The following KSR1 variants were observed in gnomAD, a reference collection of about 807,000 sequenced individuals.
KSR1 encodes kinase suppressor of ras.
KSR1 carries 35 observed loss-of-function variants against 92.9 expected under a neutral mutation model. The observed-to-expected ratio is 0.38, with a 90% CI of 0.29 to 0.50. The LOEUF is 0.50. Ranked by LOEUF, KSR1 falls within the 20% of genes least tolerant of loss-of-function variation. The pLI is 0.94. For synonymous variants in KSR1, 467 were observed against 472.6 expected, an observed-to-expected ratio of 0.99 and a Z score of 0.15; for missense variants, 972 against 1,158.5, an observed-to-expected ratio of 0.84 and a Z score of 2.34.
intron 14 of KSR1, among the ~76,000 whole-genome samples, chr17:27,606,563 G>A (rs911851370): frequency 1.3e-5 from 2 of 152,198 alleles, no homozygotes; most frequent in Non-Finnish European, 2.9e-5. Context: ...CACGTAGGCT[G>A]AACCCAGTGG....
In KSR1 at chr17:27,597,427, AACTTCCCAGGTACC is replaced by A; in HGVS notation, c.1462_1468+7del. ...ACCTGGCCAGCGGGACAGCAGGTTC[AACTTCCCAGGTACC>A]ACATCTCCAGGCTTTTCTGGGTTCT... On this transcript the variant is annotated splice_donor_variant and splice_donor_5th_base_variant and coding_sequence_variant and intron_variant, in exon 10 of 21. Transcript: ENST00000644974. LOFTEE classifies it high-confidence loss of function. 2 of 1,604,952 alleles carry A rather than the reference AACTTCCCAGGTACC, an allele frequency of 1.2e-6. No individual in the cohort carries two copies. Among genetic ancestry groups the A allele is most frequent in the Non-Finnish European group, 1.7e-6 (2 of 1,173,996 alleles).
chr17:27,588,459 G>T lies in KSR1; in HGVS notation c.986-16G>T, dbSNP rs367583552. ...CGGAGTTCCTCAGCCTGCCCATCCG[G>T]CCTCTTTCCCTGCAGATCTCTCGCA... On this transcript the variant is annotated splice_polypyrimidine_tract_variant and intron_variant, in intron 5 of 20. Transcript: ENST00000644974. The T allele has an allele frequency of 1.9e-6, 3 of 1,566,012 alleles. No individual in the cohort carries two copies. Among genetic ancestry groups the T allele is most frequent in the African/African-American group, 2.7e-5 (2 of 73,886 alleles).
chr17:27,531,043 G>A (rs1244422467), intron 1 of KSR1, among the ~76,000 whole-genome samples: 1 of 152,194 alleles, frequency 6.6e-6, no homozygotes, highest in African/African-American at 2.4e-5. Context: ...AACAATGTCG[G>A]GATGGACAAG....
intron 2 of KSR1, among the ~76,000 whole-genome samples, chr17:27,565,365 G>A (rs2072021277): frequency 6.6e-6 from 1 of 152,220 alleles, no homozygotes; most frequent in African/African-American, 2.4e-5. Flanking sequence ...CTCAGTAACT[G>A]TATGAGGAGG....
At chr17:27,517,487 G>A (rs993376831) in intron 1 of KSR1, among the ~76,000 whole-genome samples, 1 of 152,066 alleles carries the variant, frequency 6.6e-6, no homozygotes, top group Non-Finnish European at 1.5e-5. Flanking sequence ...ATGGGGTTTT[G>A]CCATGTTGCC....
intron 1 of KSR1, among the ~76,000 whole-genome samples, chr17:27,535,412 T>C (rs2070720391): frequency 6.6e-6 from 1 of 152,196 alleles, no homozygotes; most frequent in Admixed American, 6.5e-5. Context: ...AATTCTGGTC[T>C]CATTTGAAAC....
intron 1 of KSR1, among the ~76,000 whole-genome samples, chr17:27,531,908 G>A (rs534884541): frequency 2.0e-5 from 3 of 152,272 alleles, no homozygotes; most frequent in African/African-American, 7.2e-5. Flanking sequence ...ATAAAAATAG[G>A]GAACCAGCGT....
chr17:27,498,033 A>G (rs566884603), intron 1 of KSR1, among the ~76,000 whole-genome samples: 1 of 152,328 alleles, frequency 6.6e-6, no homozygotes, highest in East Asian at 1.9e-4. Flanking sequence ...TTTTACCCTT[A>G]AAAATGCCTC....
intron 1 of KSR1, among the ~76,000 whole-genome samples, chr17:27,516,608 G>A (rs1388423197): frequency 6.7e-6 from 1 of 150,000 alleles, no homozygotes; most frequent in Non-Finnish European, 1.5e-5. Flanking sequence ...TAGAAACTTT[G>A]AAAAGCATGA....
chr17:27,518,060 A>G (rs1336299267), intron 1 of KSR1, among the ~76,000 whole-genome samples: 1 of 152,250 alleles, frequency 6.6e-6, no homozygotes, highest in Non-Finnish European at 1.5e-5. Context: ...AGTTTCAGAC[A>G]GCATCTGTCT....
chr17:27,522,384 G>A (rs990043706), intron 1 of KSR1, among the ~76,000 whole-genome samples: 3 of 152,302 alleles, frequency 2.0e-5, no homozygotes, highest in South Asian at 4.1e-4. Context: ...CGCCCAGCTC[G>A]CCTTTGCAGT....
intron 6 of KSR1, among the ~76,000 whole-genome samples, chr17:27,589,612 CTGT>C (rs1376838754): frequency 2.0e-5 from 3 of 152,168 alleles, no homozygotes; most frequent in Non-Finnish European, 4.4e-5. Flanking sequence ...GGCATTCATT[CTGT>C]TGTTACTGTG....
intron 1 of KSR1, among the ~76,000 whole-genome samples, chr17:27,493,085 C>CTGA (rs1056604683): frequency 1.3e-5 from 2 of 152,196 alleles, no homozygotes; most frequent in African/African-American, 4.8e-5. Flanking sequence ...CATCATTCTG[C>CTGA]TGATGATGAT....
At chr17:27,616,534 A>C (rs192779570) in intron 18 of KSR1, among the ~76,000 whole-genome samples, 2 of 152,344 alleles carry the variant, frequency 1.3e-5, no homozygotes, top group East Asian at 3.9e-4. Flanking sequence ...CTCCAGAGAC[A>C]GTATCTTGAT....
At chr17:27,599,959 C>T (rs2073490650) in intron 10 of KSR1, among the ~76,000 whole-genome samples, 1 of 152,138 alleles carries the variant, frequency 6.6e-6, no homozygotes, top group Admixed American at 6.5e-5. Flanking sequence ...TCACTGTCTT[C>T]CACCTCCACA....
At chr17:27,462,605 A>T (rs1406450205) in intron 1 of KSR1, among the ~76,000 whole-genome samples, 2 of 152,184 alleles carry the variant, frequency 1.3e-5, no homozygotes, top group African/African-American at 4.8e-5. Context: ...GTTTACTCAT[A>T]ATTTTTTAAA....
At chr17:27,617,473 A>G (rs754436352) in intron 19 of KSR1, 45 bp downstream of exon 19, 14 of 1,583,130 alleles carry the variant, frequency 8.8e-6, no homozygotes, top group Non-Finnish European at 1.2e-5. Flanking sequence ...AGGCCCTCGC[A>G]GCCTCACCTG....
At position 27,459,170 on chromosome 17, in the gene KSR1, C is replaced by T. The variant is rs1179100945; in HGVS notation, c.231+2296C>T. 6.6e-6 allele frequency among the ~76,000 whole-genome samples: 1 copy of T among 152,200 alleles called. No individual in the cohort carries two copies. Among genetic ancestry groups the T allele is most frequent in the Admixed American group, 6.5e-5 (1 of 15,278 alleles). Reference sequence around the variant, plus strand: ...GTGTGACCTTAGGCAAGTCCCATGACTTCTGAATCTCAAGCTCTCCTGTCT... The same window carrying T: ...GTGTGACCTTAGGCAAGTCCCATGATTTCTGAATCTCAAGCTCTCCTGTCT... On this transcript the variant is annotated intron_variant, in intron 1 of 20. Coordinates refer to ENST00000644974, the MANE Select transcript of KSR1 (RefSeq NM_001394583.1). The surrounding 1 kb of genome is among the most constrained non-coding windows in gnomAD (Gnocchi z 4.6).
chr17:27,483,430 A>G lies in KSR1; in HGVS notation c.231+26556A>G, dbSNP rs2068571536. 1.3e-5 allele frequency among the ~76,000 whole-genome samples: 2 copies of G among 152,132 alleles called. 1 individual carries two copies. Among genetic ancestry groups the G allele is most frequent in the South Asian group, 4.1e-4 (2 of 4,824 alleles). ...TGGAGAAACCCTGTCTCTATTAAAA[A>G]TACACAATTTGCTGGGCATGGTGGC... On this transcript the variant is annotated intron_variant, in intron 1 of 20. Transcript: ENST00000644974.
Sources: gnomAD v4.1 joint callset for allele counts (sites outside exome capture counted in the v4.1 genomes callset) on GRCh38, gnomAD v4.1.1 for gene constraint, Gnocchi (gnomAD v3.1) non-coding constraint, MANE v1.5 for transcripts, NCBI Gene and HGNC (gene_info 2026-07-23, HGNC 2026-07-21) for gene names.